Variants in HS6ST3 observed in about 807,000 individuals in gnomAD.
The protein encoded by HS6ST3 is heparan-sulfate 6-O-sulfotransferase 3.
Under a neutral mutation model 36.7 loss-of-function variants are expected in HS6ST3, and 12 were observed. That is an observed-to-expected ratio of 0.33 (90% CI 0.21 to 0.53). The LOEUF is 0.53. Among genes scored for constraint, HS6ST3 ranks in the 20% least tolerant of loss-of-function variants. The probability of loss-of-function intolerance (pLI) is 0.95; values close to 1 mark genes in which losing one functional copy is unlikely to be tolerated. For missense variants in HS6ST3, 584 were observed against 640.9 expected (o/e 0.91, Z 0.96); for synonymous variants, 240 against 257.5 (o/e 0.93, Z 0.65).
chr13:96,259,892 A>G (rs1420519995), intron 1 of HS6ST3, among the ~76,000 whole-genome samples: 3 of 152,100 alleles, frequency 2.0e-5, no homozygotes, highest in Non-Finnish European at 4.4e-5. Flanking sequence ...TTATATTTCT[A>G]TTATAAAGTT....
At chr13:96,633,699 G>A (rs1022527901) in intron 1 of HS6ST3, among the ~76,000 whole-genome samples, 8 of 152,092 alleles carry the variant, frequency 5.3e-5, no homozygotes, top group African/African-American at 1.7e-4. Flanking sequence ...TGGATTGAAC[G>A]TTTGTGTTCA....
intron 1 of HS6ST3, among the ~76,000 whole-genome samples, chr13:96,509,630 C>A (rs1377957099): frequency 6.6e-6 from 1 of 152,102 alleles, no homozygotes; most frequent in Non-Finnish European, 1.5e-5. Flanking sequence ...TTTTTGTATG[C>A]TTTGTCAAAG....
rs1427016804 is a variant in HS6ST3 at position 96,222,379 on chromosome 13, C to A, written c.707+130810C>A. On this transcript the variant is annotated intron_variant, in intron 1 of 1. Transcript: ENST00000376705. ...ATTTCTTGTGGTACAGCATCAACTT[C>A]ATTTTTCCTGGGCTGAAGATTAATA... Among the ~76,000 whole-genome samples, 7 of 152,314 alleles carry A rather than the reference C, an allele frequency of 4.6e-5. No individual in the cohort carries two copies. The East Asian group carries it at 1.3e-3, about 29-fold the overall frequency.
At chr13:96,343,525 A>G (rs965134108) in intron 1 of HS6ST3, among the ~76,000 whole-genome samples, 5 of 152,112 alleles carry the variant, frequency 3.3e-5, no homozygotes, top group Non-Finnish European at 7.4e-5. Flanking sequence ...TGATCTCCCT[A>G]TCCTGAGGTC....
chr13:96,695,955 A>G (rs2098073114), intron 1 of HS6ST3, among the ~76,000 whole-genome samples: 1 of 152,166 alleles, frequency 6.6e-6, no homozygotes, highest in African/African-American at 2.4e-5. Flanking sequence ...CCTTTGTAAT[A>G]ACTTGTTAAA....
intron 1 of HS6ST3, among the ~76,000 whole-genome samples, chr13:96,468,425 A>G (rs1271804920): frequency 6.6e-6 from 1 of 151,818 alleles, no homozygotes; most frequent in African/African-American, 2.4e-5. Flanking sequence ...TAATTGAATT[A>G]CTTTGTGTGG....
chr13:96,450,919 G>T (rs1162582022), intron 1 of HS6ST3, among the ~76,000 whole-genome samples: 1 of 152,008 alleles, frequency 6.6e-6, no homozygotes, highest in African/African-American at 2.4e-5. Context: ...AGTCCTAATG[G>T]GTGCCCTTCA....
intron 1 of HS6ST3, among the ~76,000 whole-genome samples, chr13:96,312,150 T>C (rs1204669546): frequency 1.3e-5 from 2 of 152,192 alleles, no homozygotes; most frequent in East Asian, 3.9e-4. Flanking sequence ...GATTTTGTTC[T>C]GCTAAGCTTC....
intron 1 of HS6ST3, among the ~76,000 whole-genome samples, chr13:96,336,019 A>G (rs959399227): frequency 1.3e-5 from 2 of 152,206 alleles, no homozygotes; most frequent in Non-Finnish European, 2.9e-5. Context: ...TAAATGTCAC[A>G]AAATATTGCA....
intron 1 of HS6ST3, among the ~76,000 whole-genome samples, chr13:96,444,136 C>A (rs2055686976): frequency 6.6e-6 from 1 of 152,158 alleles, no homozygotes; most frequent in South Asian, 2.1e-4. Flanking sequence ...GGCAACTCTT[C>A]TTTTATTATA....
chr13:96,144,108 A>G (rs989905154), intron 1 of HS6ST3, among the ~76,000 whole-genome samples: 28 of 152,152 alleles, frequency 1.8e-4, no homozygotes, highest in Non-Finnish European at 2.9e-5. Flanking sequence ...TAACCATATG[A>G]TTTTGGCAAG....
At chr13:96,181,856 T>G (rs1172936924) in intron 1 of HS6ST3, among the ~76,000 whole-genome samples, 1 of 152,098 alleles carries the variant, frequency 6.6e-6, no homozygotes, top group Non-Finnish European at 1.5e-5. Flanking sequence ...GCAATTTATC[T>G]TTTTTTTCTC....
intron 1 of HS6ST3, among the ~76,000 whole-genome samples, chr13:96,366,947 G>A (rs1411003444): frequency 6.6e-6 from 1 of 152,204 alleles, no homozygotes; most frequent in Non-Finnish European, 1.5e-5. Flanking sequence ...CACCATGTAA[G>A]ATGTGCCTTT....
At chr13:96,466,423 G>C (rs779836516) in intron 1 of HS6ST3, among the ~76,000 whole-genome samples, 1 of 152,062 alleles carries the variant, frequency 6.6e-6, no homozygotes, top group Non-Finnish European at 1.5e-5. Context: ...TTTGACAAAC[G>C]TCTCTCCATT....
At chr13:96,645,688 T>C (rs1162965864) in intron 1 of HS6ST3, among the ~76,000 whole-genome samples, 1 of 151,840 alleles carries the variant, frequency 6.6e-6, no homozygotes, top group Non-Finnish European at 1.5e-5. Flanking sequence ...TGTATTGAAC[T>C]ATACCATTTT....
At chr13:96,390,178 T>C (rs555562351) in intron 1 of HS6ST3, among the ~76,000 whole-genome samples, 1 of 152,184 alleles carries the variant, frequency 6.6e-6, no homozygotes, top group Non-Finnish European at 1.5e-5. Context: ...CAAAATATTG[T>C]ATAGGCTGTA....
At chr13:96,553,182 G>T (rs1437731676) in intron 1 of HS6ST3, among the ~76,000 whole-genome samples, 2 of 152,158 alleles carry the variant, frequency 1.3e-5, no homozygotes, top group African/African-American at 4.8e-5. Flanking sequence ...GTTCTACATT[G>T]TGGTCCTTCT....
chr13:96,377,568 T>C, intron 1 of HS6ST3, among the ~76,000 whole-genome samples: 1 of 152,100 alleles, frequency 6.6e-6, no homozygotes, highest in East Asian at 1.9e-4. Flanking sequence ...ATAAAAGCAG[T>C]AGTATTGAGA....
intron 1 of HS6ST3, among the ~76,000 whole-genome samples, chr13:96,386,025 G>C (rs993008022): frequency 6.6e-6 from 1 of 152,048 alleles, no homozygotes; most frequent in Non-Finnish European, 1.5e-5. Flanking sequence ...TTGCATCTAC[G>C]AGTAAGAAAC....
Sources: gnomAD v4.1 joint callset for allele counts (sites outside exome capture counted in the v4.1 genomes callset) on GRCh38, gnomAD v4.1.1 for gene constraint, MANE v1.5 for transcripts, NCBI Gene and HGNC (gene_info 2026-07-23, HGNC 2026-07-21) for gene names.